GAB2: variants seen among roughly 807,000 people sequenced by gnomAD.
GAB2 encodes the protein GRB2-associated-binding protein 2.
GAB2 carries 26 observed loss-of-function variants against 65.5 expected under a neutral mutation model. The ratio of observed to expected loss-of-function variants is 0.40; its 90% CI spans 0.29 to 0.55. The LOEUF is 0.55. Among genes scored for constraint, GAB2 ranks in the 20% least tolerant of loss-of-function variants. The pLI is 0.53. For missense variants in GAB2, 884 were observed against 875.8 expected, an observed-to-expected ratio of 1.01 and a Z score of -0.12; for synonymous variants, 321 against 329.6, an observed-to-expected ratio of 0.97 and a Z score of 0.28.
intron 4 of GAB2, among the ~76,000 whole-genome samples, chr11:78,225,863 C>T (rs1016368805): frequency 1.3e-5 from 2 of 152,130 alleles, no homozygotes; most frequent in African/African-American, 2.4e-5. Context: ...GCTTTGCAAA[C>T]CATAAAGCAA....
Position 78,393,759 on chromosome 11 carries a change from A to C in GAB2, c.75+23887T>G, listed in dbSNP as rs553303386. On this transcript the variant is annotated intron_variant, in intron 1 of 9. Coordinates refer to ENST00000361507, the MANE Select transcript of GAB2 (RefSeq NM_080491.3). ...ATCAAATAAATTTGGCACTGCAATA[A>C]TTGTAACAGTTACCACTTATTTATA... Among the ~76,000 whole-genome samples, 5 of 152,368 alleles carry C rather than the reference A, an allele frequency of 3.3e-5. No individual in the cohort carries two copies. In the East Asian group the frequency reaches 5.8e-4, roughly 18 times the overall value.
At chr11:78,336,313 C>T (rs1245518796) in intron 1 of GAB2, among the ~76,000 whole-genome samples, 5 of 105,036 alleles carry the variant, frequency 4.8e-5, no homozygotes, top group Admixed American at 3.1e-4. Context: ...GGCGACAGAG[C>T]GAGACTGTCT....
intron 1 of GAB2, among the ~76,000 whole-genome samples, chr11:78,364,982 G>A (rs893925905): frequency 6.6e-6 from 1 of 152,094 alleles, no homozygotes; most frequent in African/African-American, 2.4e-5. Flanking sequence ...AATGGCTGCA[G>A]TCATTTTTTT....
At chr11:78,404,425 T>C (rs1411442889) in intron 1 of GAB2, among the ~76,000 whole-genome samples, 1 of 152,204 alleles carries the variant, frequency 6.6e-6, no homozygotes, top group African/African-American at 2.4e-5. Flanking sequence ...CGCATGTCTG[T>C]AGTCCCAGCT....
At chr11:78,410,025 A>G (rs183839705) in intron 1 of GAB2, among the ~76,000 whole-genome samples, 4 of 152,316 alleles carry the variant, frequency 2.6e-5, no homozygotes, top group African/African-American at 9.6e-5. Flanking sequence ...TAAATAATCC[A>G]TGGTCAAAGA....
intron 2 of GAB2, among the ~76,000 whole-genome samples, chr11:78,270,994 T>C (rs1865996005): frequency 6.6e-6 from 1 of 152,254 alleles, no homozygotes; most frequent in Non-Finnish European, 1.5e-5. Flanking sequence ...TGATAGTGGC[T>C]GTGCAGGCCC....
chr11:78,370,256 C>CAAA (rs35777026), intron 1 of GAB2, among the ~76,000 whole-genome samples: 2 of 99,210 alleles, frequency 2.0e-5, no homozygotes, highest in African/African-American at 4.0e-5. Context: ...GACTCCGTCT[C>CAAA]AAAAAAAAAA....
rs1218675172 is a variant in GAB2 at position 78,216,854 on chromosome 11, G to C, written c.*2418C>G. The C allele has an allele frequency of 1.3e-5, 2 of 152,200 alleles. No individual in the cohort carries two copies. Among genetic ancestry groups the C allele is most frequent in the Non-Finnish European group, 2.9e-5 (2 of 68,062 alleles). The allele number at this position is 152,200 out of a possible 1,614,324, so 9.4% of individuals were successfully genotyped here. Reference sequence around the variant, plus strand: ...GGGGCCTTTAAGGCACACATTCAGGGCTGGGCAGAGTGAACCAGCACCCTG... The same window carrying C: ...GGGGCCTTTAAGGCACACATTCAGGCCTGGGCAGAGTGAACCAGCACCCTG... On this transcript the variant is annotated 3_prime_UTR_variant, in exon 10 of 10. Coordinates refer to ENST00000361507, the MANE Select transcript of GAB2 (RefSeq NM_080491.3).
intron 2 of GAB2, among the ~76,000 whole-genome samples, chr11:78,279,000 C>T (rs745483668): frequency 6.6e-6 from 1 of 150,900 alleles, no homozygotes; most frequent in African/African-American, 2.4e-5. Context: ...CTTTTTTTTA[C>T]TGAATATGCA....
chr11:78,276,814 A>T (rs1590990867), intron 2 of GAB2, among the ~76,000 whole-genome samples: 1 of 96,852 alleles, frequency 1.0e-5, no homozygotes, highest in South Asian at 4.2e-4. Flanking sequence ...TATTTATTTT[A>T]TTTATTTATT....
chr11:78,327,878 TG>T (rs1855851023), intron 1 of GAB2, among the ~76,000 whole-genome samples: 1 of 152,196 alleles, frequency 6.6e-6, no homozygotes, highest in Admixed American at 6.5e-5. Context: ...CTTACTAGAT[TG>T]AATTGAAGAA....
chr11:78,408,608 C>T (rs1428988242), intron 1 of GAB2, among the ~76,000 whole-genome samples: 1 of 152,060 alleles, frequency 6.6e-6, no homozygotes, highest in Non-Finnish European at 1.5e-5. Context: ...AAAACATGCC[C>T]CATGATATGG....
chr11:78,387,553 A>G (rs555815467), intron 1 of GAB2, among the ~76,000 whole-genome samples: 1 of 152,382 alleles, frequency 6.6e-6, no homozygotes, highest in South Asian at 2.1e-4. Flanking sequence ...AAGGATGTGT[A>G]GAACTGCTTA....
Position 78,226,712 on chromosome 11 carries a change from T to C in GAB2, c.960A>G (p.Pro320=). The C allele has an allele frequency of 1.9e-6, 3 of 1,613,310 alleles. No homozygotes were observed. Among genetic ancestry groups the C allele is most frequent in the Non-Finnish European group, 1.7e-6 (2 of 1,179,762 alleles). The change falls in exon 4 of 10, where the codon CCA becomes CCG. Residue 320 remains proline (P), a synonymous_variant. Transcript: ENST00000361507. ...LVDNMDVPAT[P]LSAYQIPRTF... ...TCCTAGGGATCTGGTAGGCTGAGAG[T>C]GGGGTGGCCGGAACATCCATATTGT...
chr11:78,305,974 T>A (rs1855347802), intron 1 of GAB2, among the ~76,000 whole-genome samples: 1 of 152,166 alleles, frequency 6.6e-6, no homozygotes, highest in African/African-American at 2.4e-5. Context: ...TGAGCAAAAA[T>A]ATTTTTTACA....
chr11:78,256,410 T>C lies in GAB2; in HGVS notation c.377-6010A>G, dbSNP rs146860542. Among the ~76,000 whole-genome samples the C allele has an allele frequency of 4.3e-4, 66 of 152,252 alleles. No individual in the cohort carries two copies. The East Asian group carries it at 0.012, about 28-fold the overall frequency. On this transcript the variant is annotated intron_variant, in intron 2 of 9. Coordinates refer to ENST00000361507, the MANE Select transcript of GAB2 (RefSeq NM_080491.3). ...AAAGGAAGGGGAGTGATTCTAGAAATGATTTCATTTATGTGAAATATCTAG... is the reference window on the plus strand; with the variant it reads ...AAAGGAAGGGGAGTGATTCTAGAAACGATTTCATTTATGTGAAATATCTAG...
intron 3 of GAB2, among the ~76,000 whole-genome samples, chr11:78,240,547 C>T (rs968531203): frequency 3.9e-5 from 6 of 152,052 alleles, no homozygotes; most frequent in African/African-American, 1.5e-4. Context: ...CTGCTGTTCC[C>T]TGCCCCTCTG....
chr11:78,377,743 G>A (rs1010499168), intron 1 of GAB2, among the ~76,000 whole-genome samples: 1 of 151,968 alleles, frequency 6.6e-6, no homozygotes, highest in Non-Finnish European at 1.5e-5. Flanking sequence ...AGATGCAATC[G>A]GCTCATACCT....
intron 3 of GAB2, among the ~76,000 whole-genome samples, chr11:78,228,415 T>A (rs553888812): frequency 6.6e-6 from 1 of 152,324 alleles, no homozygotes; most frequent in South Asian, 2.1e-4. Flanking sequence ...CAAAAGCTCT[T>A]GGAGTGTCTC....
Sources: allele counts gnomAD v4.1 joint callset (sites outside exome capture counted in the v4.1 genomes callset), GRCh38; gene constraint gnomAD v4.1.1; transcripts MANE v1.5; gene names NCBI Gene and HGNC (gene_info 2026-07-23, HGNC 2026-07-21).